LINGO2: variants seen among roughly 807,000 people sequenced by gnomAD.
LINGO2 encodes leucine-rich repeat and immunoglobulin-like domain-containing nogo receptor-interacting protein 2.
In LINGO2, 14 loss-of-function variants were observed where a neutral mutation model predicts 30.6. That is an observed-to-expected ratio of 0.46 (90% CI 0.30 to 0.72). The LOEUF (loss-of-function observed/expected upper bound fraction) is 0.72, where lower values mean the gene tolerates loss of function less well. Among genes scored for constraint, LINGO2 ranks in the 30% least tolerant of loss-of-function variants. LINGO2 has a pLI of 0.07. For synonymous variants in LINGO2, 317 were observed against 288.5 expected, an observed-to-expected ratio of 1.10 and a Z score of -1.00; for missense variants, 729 against 751.7, an observed-to-expected ratio of 0.97 and a Z score of 0.35.
chr9:27,999,343 A>C (rs149007026), intron 5 of LINGO2, among the ~76,000 whole-genome samples: 28 of 151,768 alleles, frequency 1.8e-4, no homozygotes, highest in Admixed American at 4.6e-4. Flanking sequence ...GAAAGATATG[A>C]TGTTTTGTGT....
At position 28,233,062 on chromosome 9, in the gene LINGO2, T is replaced by TATA; in HGVS notation, c.-87+62145_-87+62146insTAT. Among the ~76,000 whole-genome samples the TATA allele has an allele frequency of 4.4e-5, 2 of 45,428 alleles. 1 individual carries two copies. Among genetic ancestry groups the TATA allele is most frequent in the South Asian group, 1.3e-3 (2 of 1,522 alleles). The allele number at this position is 45,428 out of a possible 152,430, so 29.8% of individuals were successfully genotyped here. On this transcript the variant is annotated intron_variant, in intron 4 of 5. Coordinates refer to ENST00000379992, the Ensembl canonical transcript of LINGO2. ...TATATATATATATATATATATATAT[T>TATA]AGATATATAATAGATATACAGTAAA...
chr9:28,875,785 C>A, the LINGO2 span, among the ~76,000 whole-genome samples: 1 of 152,078 alleles, frequency 6.6e-6, no homozygotes, highest in Non-Finnish European at 1.5e-5. Flanking sequence ...ATTGACTTTA[C>A]TAACTTTTAA....
intron 3 of LINGO2, among the ~76,000 whole-genome samples, chr9:28,370,574 T>C (rs2134565065): frequency 6.6e-6 from 1 of 152,324 alleles, no homozygotes; most frequent in East Asian, 1.9e-4. Context: ...ATGATAGCCA[T>C]GAGCTTTACC....
chr9:29,121,551 C>A, the LINGO2 span, among the ~76,000 whole-genome samples: 1 of 151,808 alleles, frequency 6.6e-6, no homozygotes, highest in Non-Finnish European at 1.5e-5. Context: ...AAGATAAAAA[C>A]AGAAAACCCA....
the LINGO2 span, among the ~76,000 whole-genome samples, chr9:29,203,518 C>T: frequency 6.6e-6 from 1 of 152,196 alleles, no homozygotes; most frequent in African/African-American, 2.4e-5. Context: ...CTCTCTCACA[C>T]TGCTACCCCA....
the LINGO2 span, among the ~76,000 whole-genome samples, chr9:28,883,628 G>GTGTGTGTGTATGTATA: frequency 1.1e-4 from 7 of 64,180 alleles, no homozygotes; most frequent in Non-Finnish European, 1.5e-4. Flanking sequence ...ATGTGTGTGT[G>GTGTGTGTGTATGTATA]TATATATATA....
At chr9:28,581,123 T>A (rs931918724) in intron 1 of LINGO2, among the ~76,000 whole-genome samples, 1 of 151,986 alleles carries the variant, frequency 6.6e-6, no homozygotes, top group Non-Finnish European at 1.5e-5. Context: ...GCTGTTGACA[T>A]TTTCTGGTAA....
chr9:28,057,312 C>T (rs1032723709), intron 4 of LINGO2, among the ~76,000 whole-genome samples: 15 of 151,404 alleles, frequency 9.9e-5, no homozygotes, highest in Admixed American at 9.9e-4. Flanking sequence ...TTTCTCAGAA[C>T]CCTGTTTATG....
the LINGO2 span, among the ~76,000 whole-genome samples, chr9:28,835,585 A>C: frequency 6.6e-6 from 1 of 152,240 alleles, no homozygotes; most frequent in African/African-American, 2.4e-5. Flanking sequence ...TTTGACCAAC[A>C]TATAACACAT....
chr9:29,061,547 G>A, the LINGO2 span, among the ~76,000 whole-genome samples: 8 of 151,822 alleles, frequency 5.3e-5, no homozygotes, highest in Admixed American at 6.6e-5. Flanking sequence ...AAGATCAAAC[G>A]ATTTTTGACA....
At chr9:28,428,154 A>G (rs1823489057) in intron 2 of LINGO2, among the ~76,000 whole-genome samples, 1 of 152,144 alleles carries the variant, frequency 6.6e-6, no homozygotes, top group South Asian at 2.1e-4. Context: ...GCCATGTATC[A>G]CTCCTTAATT....
At chr9:28,968,872 C>A in the LINGO2 span, among the ~76,000 whole-genome samples, 1 of 152,088 alleles carries the variant, frequency 6.6e-6, no homozygotes, top group Non-Finnish European at 1.5e-5. Context: ...CAAACCACGA[C>A]AGAGTGCAAT....
At chr9:28,350,501 G>A (rs1373736817) in intron 3 of LINGO2, among the ~76,000 whole-genome samples, 7 of 147,580 alleles carry the variant, frequency 4.7e-5, no homozygotes, top group East Asian at 2.0e-4. Flanking sequence ...TTCATAAAGC[G>A]AGTCCTGAGT....
the LINGO2 span, among the ~76,000 whole-genome samples, chr9:28,878,539 A>C: frequency 6.6e-6 from 1 of 152,220 alleles, no homozygotes; most frequent in Non-Finnish European, 1.5e-5. Context: ...CAACCAAAAA[A>C]GAGAATTTTA....
chr9:28,170,035 C>T (rs534808720), intron 4 of LINGO2, among the ~76,000 whole-genome samples: 18 of 152,142 alleles, frequency 1.2e-4, no homozygotes, highest in Admixed American at 9.8e-4. Flanking sequence ...TGCCTGAGCC[C>T]GACAACAATG....
In LINGO2 at chr9:27,948,150, G is replaced by A. The variant is rs1265624360; in HGVS notation, c.*701C>T. 2.6e-5 allele frequency: 4 copies of A among 152,102 alleles called. 1 individual carries two copies. Among genetic ancestry groups the A allele is most frequent in the Admixed American group, 2.0e-4 (3 of 15,260 alleles). 9.4% of individuals were successfully genotyped at this position (152,102 alleles called of 1,614,324 possible). On this transcript the variant is annotated 3_prime_UTR_variant, in exon 6 of 6. Transcript: ENST00000379992. ...TAACAGAGTTGAGCAGTTTTGCCTT[G>A]GGTCCTGTTTCTTGGCATCCTACAT...
chr9:28,990,692 G>C, the LINGO2 span, among the ~76,000 whole-genome samples: 1 of 152,090 alleles, frequency 6.6e-6, no homozygotes, highest in Non-Finnish European at 1.5e-5. Flanking sequence ...CAGCATTCGC[G>C]GTTCACGAAA....
the LINGO2 span, among the ~76,000 whole-genome samples, chr9:28,972,621 G>C: frequency 2.6e-5 from 4 of 152,100 alleles, no homozygotes; most frequent in Non-Finnish European, 5.9e-5. Flanking sequence ...AGTCAGAAGA[G>C]ACGTATTAGT....
the LINGO2 span, among the ~76,000 whole-genome samples, chr9:29,131,938 C>G: frequency 6.6e-6 from 1 of 151,052 alleles, no homozygotes; most frequent in Non-Finnish European, 1.5e-5. Context: ...TTCCCTGGTA[C>G]AAAAATACCT....
Sources: allele counts gnomAD v4.1 joint callset (sites outside exome capture counted in the v4.1 genomes callset), GRCh38; gene constraint gnomAD v4.1.1; transcripts MANE v1.5; gene names NCBI Gene and HGNC (gene_info 2026-07-23, HGNC 2026-07-21).